Variants in FGD3 observed in about 807,000 individuals in gnomAD.
FGD3 encodes the protein FYVE, RhoGEF and PH domain containing 3, also known as FYVE, RhoGEF and PH domain-containing protein 3.
In FGD3, 45 loss-of-function variants were observed where a neutral mutation model predicts 71.8. The observed-to-expected ratio is 0.63, with a 90% CI of 0.49 to 0.80. FGD3 has a LOEUF of 0.80. FGD3 is among the 30% of genes least tolerant of loss of function. The pLI is 0.00. For missense variants in FGD3, 844 were observed against 951.5 expected (o/e 0.89, Z 1.49); for synonymous variants, 378 against 392.8 (o/e 0.96, Z 0.44).
chr9:93,017,589 G>A (rs552563985), intron 10 of FGD3, among the ~76,000 whole-genome samples: 9 of 152,186 alleles, frequency 5.9e-5, no homozygotes, highest in African/African-American at 2.2e-4. Context: ...TGGAATCTGT[G>A]GCTGCGGTTC....
chr9:93,015,681 C>T (rs1861648215), intron 9 of FGD3, 56 bp from the exon 10 acceptor site: 16 of 1,438,318 alleles, frequency 1.1e-5, no homozygotes, highest in Non-Finnish European at 1.6e-5. Context: ...TCACTGGGGC[C>T]CCTGGGGGGA....
Position 93,034,562 on chromosome 9 carries a change from C to T in FGD3, c.1807C>T (p.Gln603Ter). The T allele has an allele frequency of 1.2e-6, 2 of 1,612,556 alleles. No homozygotes were observed. Among genetic ancestry groups the T allele is most frequent in the Non-Finnish European group, 8.5e-7 (1 of 1,179,348 alleles). The change falls in exon 17 of 18, where the codon CAG (glutamine) becomes TAG (stop). Residue 603 changes from glutamine (Q) to a stop codon, truncating the protein, a stop_gained. Coordinates refer to ENST00000375482, the MANE Select transcript of FGD3 (RefSeq NM_001083536.2). LOFTEE classifies it high-confidence loss of function. ...STEKTPTADP[Q>*]PSLLCGPLRL... ...CCAGAAGACACCCACTGCAGACCCC[C>T]AGCCCAGCCTGCTCTGCGGCCCCCT...
intron 1 of FGD3, among the ~76,000 whole-genome samples, chr9:92,974,014 C>T (rs1859630687): frequency 6.6e-6 from 1 of 152,244 alleles, no homozygotes; most frequent in African/African-American, 2.4e-5. Flanking sequence ...GGAGGGCTCA[C>T]CTCATTCATT....
chr9:93,035,767 C>G lies in FGD3; in HGVS notation c.*178C>G. On this transcript the variant is annotated 3_prime_UTR_variant, in exon 18 of 18. Coordinates refer to ENST00000375482, the MANE Select transcript of FGD3 (RefSeq NM_001083536.2). ...AGGCCCAGAGAGGGGCAACCACTGG[C>G]CAAGGGTCACCCAGCAAGTTTTGGC... The G allele has an allele frequency of 1.1e-6, 1 of 943,574 alleles. No individual in the cohort carries two copies. The highest frequency in any genetic ancestry group is 2.1e-5 in the South Asian group (1 of 48,764). The allele number at this position is 943,574 out of a possible 1,614,324, so 58.5% of individuals were successfully genotyped here.
intron 1 of FGD3, among the ~76,000 whole-genome samples, chr9:92,959,103 G>T (rs1564140186): frequency 6.6e-6 from 1 of 152,146 alleles, no homozygotes; most frequent in Non-Finnish European, 1.5e-5. Context: ...GGGACTACAG[G>T]TGCCTGCCGC....
chr9:92,958,928 A>T (rs549319501), intron 1 of FGD3, among the ~76,000 whole-genome samples: 2 of 152,286 alleles, frequency 1.3e-5, no homozygotes, highest in African/African-American at 4.8e-5. Flanking sequence ...TGTCAATACC[A>T]CATTGTCTTG....
chr9:93,034,245 AC>A (rs1862496060), intron 16 of FGD3: 1 of 332,254 alleles, frequency 3.0e-6, no homozygotes, highest in Non-Finnish European at 5.5e-6. Flanking sequence ...ACCCTCAGGT[AC>A]TTGCTGTTGG....
chr9:92,948,401 C>T (rs1405044867), intron 1 of FGD3, among the ~76,000 whole-genome samples: 1 of 152,320 alleles, frequency 6.6e-6, no homozygotes, highest in East Asian at 1.9e-4. Flanking sequence ...CGAAAGAGGC[C>T]GCAAGGCTGG....
At chr9:93,005,298 A>G (rs944245691) in intron 5 of FGD3, among the ~76,000 whole-genome samples, 3 of 150,764 alleles carry the variant, frequency 2.0e-5, no homozygotes, top group Non-Finnish European at 4.4e-5. Flanking sequence ...AATTATTTGT[A>G]TTTTTTTTTA....
intron 3 of FGD3, among the ~76,000 whole-genome samples, chr9:92,979,872 G>A (rs1321499520): frequency 6.6e-6 from 1 of 151,106 alleles, no homozygotes; most frequent in Non-Finnish European, 1.5e-5. Context: ...ACTGTTCATA[G>A]TATTCTCTTT....
chr9:92,984,095 A>G (rs1166075934), intron 3 of FGD3, among the ~76,000 whole-genome samples: 1 of 152,196 alleles, frequency 6.6e-6, no homozygotes, highest in Non-Finnish European at 1.5e-5. Flanking sequence ...TCCAGCATAG[A>G]TGAGGGGATA....
chr9:93,015,348 C>T (rs919322128), intron 9 of FGD3, among the ~76,000 whole-genome samples: 3 of 152,110 alleles, frequency 2.0e-5, no homozygotes, highest in East Asian at 1.9e-4. Flanking sequence ...TCCAGCTACT[C>T]GGGAGGCTGA....
intron 5 of FGD3, among the ~76,000 whole-genome samples, chr9:93,005,476 T>A (rs895756895): frequency 6.6e-6 from 1 of 152,240 alleles, no homozygotes; most frequent in African/African-American, 2.4e-5. Flanking sequence ...GCCTTAGTGA[T>A]GGCTTTGTGC....
At chr9:92,984,934 T>A (rs2118620254) in intron 3 of FGD3, among the ~76,000 whole-genome samples, 1 of 152,132 alleles carries the variant, frequency 6.6e-6, no homozygotes. Flanking sequence ...GGGAAATTTA[T>A]AATTTTATTT....
chr9:93,004,839 G>A (rs1860992724), intron 5 of FGD3, among the ~76,000 whole-genome samples: 1 of 152,178 alleles, frequency 6.6e-6, no homozygotes, highest in African/African-American at 2.4e-5. Flanking sequence ...AGGCTTGACT[G>A]GAATGGGAGG....
At chr9:93,007,933 A>G (rs1213047527) in intron 6 of FGD3, among the ~76,000 whole-genome samples, 2 of 152,180 alleles carry the variant, frequency 1.3e-5, no homozygotes, top group African/African-American at 4.8e-5. Flanking sequence ...GAAGGTCCAT[A>G]GTGCCCAGGC....
intron 6 of FGD3, among the ~76,000 whole-genome samples, chr9:93,008,260 A>C (rs906434077): frequency 2.6e-5 from 4 of 152,214 alleles, no homozygotes; most frequent in Non-Finnish European, 5.9e-5. Flanking sequence ...TACTCCCAGC[A>C]CAGTGATCAA....
intron 15 of FGD3, among the ~76,000 whole-genome samples, chr9:93,032,039 C>T (rs1490086450): frequency 6.6e-6 from 1 of 152,194 alleles, no homozygotes; most frequent in Non-Finnish European, 1.5e-5. Context: ...CCATGCTCCA[C>T]CCATGCATCT....
chr9:92,964,837 G>T (rs960095464), intron 1 of FGD3, among the ~76,000 whole-genome samples: 1 of 152,182 alleles, frequency 6.6e-6, no homozygotes, highest in Non-Finnish European at 1.5e-5. Context: ...GGGGGGTAGC[G>T]CGAGCCTTCC....
Sources: allele counts gnomAD v4.1 joint callset (sites outside exome capture counted in the v4.1 genomes callset), GRCh38; gene constraint gnomAD v4.1.1; transcripts MANE v1.5; gene names NCBI Gene and HGNC (gene_info 2026-07-23, HGNC 2026-07-21).